PHACTR1: variants seen among roughly 807,000 people sequenced by gnomAD.
The protein encoded by PHACTR1 is phosphatase and actin regulator 1, also known as RPEL repeat containing 1.
Under a neutral mutation model 69.2 loss-of-function variants are expected in PHACTR1, and 16 were observed. That is an observed-to-expected ratio of 0.23 (90% CI 0.16 to 0.35). The LOEUF is 0.35. Ranked by LOEUF, PHACTR1 falls within the 10% of genes least tolerant of loss-of-function variation. The pLI is 1.00. For missense variants in PHACTR1, 510 were observed against 734.7 expected (o/e 0.69, Z 3.54); for synonymous variants, 312 against 284.5 (o/e 1.10, Z -0.97).
intron 4 of PHACTR1, among the ~76,000 whole-genome samples, chr6:12,982,719 T>G (rs905188472): frequency 6.6e-6 from 1 of 152,002 alleles, no homozygotes; most frequent in African/African-American, 2.4e-5. Context: ...CTCTCAAGAA[T>G]CAGTTTACTT....
At position 12,716,874 on chromosome 6, in the gene PHACTR1, T is replaced by C. The variant is rs1761430180; in HGVS notation, c.-304T>C. The C allele has an allele frequency of 6.6e-6, 1 of 152,030 alleles. No homozygotes were observed. Among genetic ancestry groups the C allele is most frequent in the Non-Finnish European group, 1.5e-5 (1 of 68,024 alleles). The allele number at this position is 152,030 out of a possible 1,614,324, so 9.4% of individuals were successfully genotyped here. A position where few individuals can be genotyped will look rare whatever the true frequency, so the allele number is the denominator to read the frequency against. On this transcript the variant is annotated 5_prime_UTR_variant, in exon 1 of 15. Transcript: ENST00000332995. ...TTGTTTTGTACTCTACCGTGTCCTGTTGAAAGGGGTCAACAAGTGCCGGTG... is the reference window on the plus strand; with the variant it reads ...TTGTTTTGTACTCTACCGTGTCCTGCTGAAAGGGGTCAACAAGTGCCGGTG...
At chr6:12,817,465 G>A (rs906877820) in intron 4 of PHACTR1, among the ~76,000 whole-genome samples, 2 of 152,166 alleles carry the variant, frequency 1.3e-5, no homozygotes, top group African/African-American at 4.8e-5. Context: ...CATATACTGT[G>A]GGACCTTGGA....
At chr6:13,213,056 A>G (rs1767121071) in intron 8 of PHACTR1, among the ~76,000 whole-genome samples, 1 of 152,114 alleles carries the variant, frequency 6.6e-6, no homozygotes, top group Non-Finnish European at 1.5e-5. Context: ...GGCTGTATCC[A>G]GAGTGCCTAC....
At chr6:13,131,759 C>G (rs1221026010) in intron 5 of PHACTR1, among the ~76,000 whole-genome samples, 1 of 152,112 alleles carries the variant, frequency 6.6e-6, no homozygotes, top group East Asian at 1.9e-4. Flanking sequence ...TTAAAGCTTG[C>G]TCAGAATGGT....
intron 5 of PHACTR1, among the ~76,000 whole-genome samples, chr6:13,097,983 G>C (rs1006194483): frequency 2.0e-5 from 3 of 152,110 alleles, no homozygotes; most frequent in African/African-American, 7.2e-5. Flanking sequence ...CATGTGTCCT[G>C]TTCTCCCACC....
At chr6:13,256,074 A>C (rs1216494605) in intron 10 of PHACTR1, among the ~76,000 whole-genome samples, 1 of 152,184 alleles carries the variant, frequency 6.6e-6, no homozygotes, top group African/African-American at 2.4e-5. Context: ...TACATACTCT[A>C]AAGTCTAGGC....
chr6:13,003,712 T>A (rs1041686349), intron 4 of PHACTR1, among the ~76,000 whole-genome samples: 18 of 151,786 alleles, frequency 1.2e-4, no homozygotes, highest in Non-Finnish European at 2.4e-4. Flanking sequence ...ACCCACTAAA[T>A]AACTTCTCAT....
At chr6:12,910,299 C>T (rs1217524917) in intron 4 of PHACTR1, among the ~76,000 whole-genome samples, 3 of 152,260 alleles carry the variant, frequency 2.0e-5, no homozygotes, top group South Asian at 4.1e-4. Context: ...AATGGCCCCC[C>T]AGGATGCATT....
intron 4 of PHACTR1, among the ~76,000 whole-genome samples, chr6:12,867,983 G>C (rs777411668): frequency 6.6e-6 from 1 of 152,160 alleles, no homozygotes; most frequent in Non-Finnish European, 1.5e-5. Flanking sequence ...GCTAAGGCCA[G>C]GTACGGTGGC....
chr6:12,781,288 T>C (rs973734751), intron 4 of PHACTR1, among the ~76,000 whole-genome samples: 5 of 152,092 alleles, frequency 3.3e-5, no homozygotes, highest in Non-Finnish European at 7.4e-5. Context: ...CTGTGATAAC[T>C]TTACAGTACA....
At chr6:13,076,531 T>C (rs774122318) in intron 5 of PHACTR1, among the ~76,000 whole-genome samples, 12 of 152,308 alleles carry the variant, frequency 7.9e-5, no homozygotes, top group Admixed American at 2.0e-4. Context: ...TTTGGTCTTC[T>C]GCATGTTTTG....
At chr6:12,873,521 A>G (rs1364693612) in intron 4 of PHACTR1, among the ~76,000 whole-genome samples, 1 of 152,138 alleles carries the variant, frequency 6.6e-6, no homozygotes, top group Non-Finnish European at 1.5e-5. Flanking sequence ...CTCAGAAGTT[A>G]GTGGAAGAGA....
chr6:13,247,434 C>T (rs927019526), intron 10 of PHACTR1, among the ~76,000 whole-genome samples: 1 of 151,792 alleles, frequency 6.6e-6, no homozygotes, highest in African/African-American at 2.4e-5. Flanking sequence ...CAACCTCCGC[C>T]TCCTGGGTTA....
At chr6:13,038,488 TA>T (rs34433834) in intron 4 of PHACTR1, among the ~76,000 whole-genome samples, 8,423 of 124,146 alleles carry the variant, frequency 0.068, 736 homozygotes, top group African/African-American at 0.22. Context: ...TTCAAGTGTT[TA>T]AAAAAAAAAA....
At position 13,259,925 on chromosome 6, in the gene PHACTR1, G is replaced by A. The variant is rs186705424; in HGVS notation, c.1392-12935G>A. ...TAAGAGTTGTTCTGCTCAGTTTGCAGAGAGAAAAGGGCATAGTACTGAGGA... is the reference window on the plus strand; with the variant it reads ...TAAGAGTTGTTCTGCTCAGTTTGCAAAGAGAAAAGGGCATAGTACTGAGGA... On this transcript the variant is annotated intron_variant, in intron 10 of 14. Coordinates refer to ENST00000332995, the MANE Select transcript of PHACTR1 (RefSeq NM_030948.6). 9.3e-4 allele frequency among the ~76,000 whole-genome samples: 142 copies of A among 152,322 alleles called. 1 individual carries two copies. In the Middle Eastern group the frequency reaches 0.017, roughly 18 times the overall value.
intron 4 of PHACTR1, among the ~76,000 whole-genome samples, chr6:12,946,768 A>G (rs1790714658): frequency 6.6e-6 from 1 of 152,040 alleles, no homozygotes; most frequent in South Asian, 2.1e-4. Context: ...TCAGAGTCAA[A>G]AGAAGCATTA....
intron 10 of PHACTR1, 34 bp from the exon 11 acceptor site, chr6:13,272,826 T>G: frequency 1.2e-6 from 2 of 1,614,074 alleles, no homozygotes; most frequent in Non-Finnish European, 1.7e-6. Flanking sequence ...GGCTATGATA[T>G]GGTCCAAAAA....
At chr6:13,177,360 T>TCTTG (rs1554146743) in intron 6 of PHACTR1, among the ~76,000 whole-genome samples, 1 of 131,006 alleles carries the variant, frequency 7.6e-6, no homozygotes, top group African/African-American at 2.6e-5. Flanking sequence ...TGTCTCTCTC[T>TCTTG]TGCGCTCTCT....
chr6:13,171,660 C>A (rs1760638158), intron 6 of PHACTR1, among the ~76,000 whole-genome samples: 1 of 152,218 alleles, frequency 6.6e-6, no homozygotes, highest in Non-Finnish European at 1.5e-5. Flanking sequence ...CGAACTTGAA[C>A]ACCACTACAT....
Sources: gnomAD v4.1 joint callset for allele counts (sites outside exome capture counted in the v4.1 genomes callset) on GRCh38, gnomAD v4.1.1 for gene constraint, MANE v1.5 for transcripts, NCBI Gene and HGNC (gene_info 2026-07-23, HGNC 2026-07-21) for gene names.